The following RBX1 variants were observed in gnomAD, a reference collection of about 807,000 sequenced individuals.
RBX1 encodes the protein ring-box 1.
For missense variants in RBX1, 46 were observed against 141.4 expected (o/e 0.33, Z 3.42); for synonymous variants, 48 against 47.9 (o/e 1.00, Z -0.01).
chr22:40,970,901 T>A (rs2058367280), intron 4 of RBX1, among the ~76,000 whole-genome samples: 1 of 152,204 alleles, frequency 6.6e-6, no homozygotes, highest in Non-Finnish European at 1.5e-5. Context: ...ATACTCAGTA[T>A]CTGAGTGGTA....
At chr22:40,965,703 A>G (rs1329707988) in intron 3 of RBX1, among the ~76,000 whole-genome samples, 1 of 152,024 alleles carries the variant, frequency 6.6e-6, no homozygotes, top group Non-Finnish European at 1.5e-5. Context: ...CGGCCTCCCA[A>G]AGTGCTGGGA....
At chr22:40,962,418 GGTATTATCA>G (rs2058343349) in intron 2 of RBX1, among the ~76,000 whole-genome samples, 1 of 151,406 alleles carries the variant, frequency 6.6e-6, no homozygotes, top group Non-Finnish European at 1.5e-5. Flanking sequence ...AAAAGAAAAA[GGTATTATCA>G]TGGTATCTCT....
chr22:40,951,558 G>A (rs1336347208), intron 1 of RBX1, 82 bp downstream of exon 1: 1 of 1,353,470 alleles, frequency 7.4e-7, no homozygotes, highest in Non-Finnish European at 1.0e-6. Flanking sequence ...TCGAGGCGCG[G>A]AGTAAAGGGT....
chr22:40,956,913 T>G (rs2058327125), intron 2 of RBX1, among the ~76,000 whole-genome samples: 1 of 151,880 alleles, frequency 6.6e-6, no homozygotes, highest in Non-Finnish European at 1.5e-5. Context: ...CGGGCGCCTG[T>G]AGTCCCAGCT....
chr22:40,957,492 G>A (rs2058328835), intron 2 of RBX1, among the ~76,000 whole-genome samples: 1 of 151,958 alleles, frequency 6.6e-6, no homozygotes, highest in South Asian at 2.1e-4. Context: ...CAAAAAATTA[G>A]CCAGGCATGG....
At chr22:40,963,177 A>G (rs917703881) in intron 2 of RBX1, among the ~76,000 whole-genome samples, 1 of 152,056 alleles carries the variant, frequency 6.6e-6, no homozygotes, top group African/African-American at 2.4e-5. Flanking sequence ...AGTTTGAAGT[A>G]ATTCTCCCCT....
chr22:40,962,213 T>C (rs2058342638), intron 2 of RBX1, among the ~76,000 whole-genome samples: 1 of 152,096 alleles, frequency 6.6e-6, no homozygotes, highest in East Asian at 1.9e-4. Flanking sequence ...GCAATTCTCC[T>C]ACCTCAGCCT....
intron 4 of RBX1, among the ~76,000 whole-genome samples, chr22:40,971,422 C>G (rs2058368789): frequency 6.6e-6 from 1 of 152,132 alleles, no homozygotes; most frequent in Non-Finnish European, 1.5e-5. Context: ...GCCCTAGTTT[C>G]TATCCAAATA....
At chr22:40,972,050 C>T (rs1206224475) in intron 4 of RBX1, among the ~76,000 whole-genome samples, 1 of 152,194 alleles carries the variant, frequency 6.6e-6, no homozygotes, top group Non-Finnish European at 1.5e-5. Flanking sequence ...TTACCCTAAA[C>T]ATGCCTGAGT....
intron 4 of RBX1, among the ~76,000 whole-genome samples, chr22:40,970,379 T>C (rs2058365909): frequency 6.6e-6 from 1 of 152,104 alleles, no homozygotes; most frequent in African/African-American, 2.4e-5. Flanking sequence ...ATGTATATTT[T>C]TGTTTTTGAT....
intron 2 of RBX1, among the ~76,000 whole-genome samples, chr22:40,961,101 T>TG (rs2058338846): frequency 6.8e-6 from 1 of 147,678 alleles, no homozygotes; most frequent in Non-Finnish European, 1.5e-5. Flanking sequence ...TTTTTTTTTT[T>TG]TTTGATAACA....
At chr22:40,952,538 AGTTACT>A (rs1370759906) in intron 1 of RBX1, among the ~76,000 whole-genome samples, 1 of 152,218 alleles carries the variant, frequency 6.6e-6, no homozygotes, top group African/African-American at 2.4e-5. Flanking sequence ...GTGGTAAAGA[AGTTACT>A]AGGCACTGAG....
intron 2 of RBX1, among the ~76,000 whole-genome samples, chr22:40,963,309 G>T (rs2058345982): frequency 6.6e-6 from 1 of 152,056 alleles, no homozygotes; most frequent in African/African-American, 2.4e-5. Flanking sequence ...ATCCCCAGTT[G>T]TGCTTTACCC....
At chr22:40,966,888 GC>G (rs1981499410) in intron 3 of RBX1, 1 of 152,176 alleles carries the variant, frequency 6.6e-6, no homozygotes, top group South Asian at 2.1e-4. Context: ...ACGCACATGA[GC>G]AGGGGGAGAA....
chr22:40,957,012 G>T (rs561426138), intron 2 of RBX1, among the ~76,000 whole-genome samples: 1 of 148,774 alleles, frequency 6.7e-6, no homozygotes, highest in Non-Finnish European at 1.5e-5. Flanking sequence ...TCCAGCCTGG[G>T]TGACAGAGTG....
At chr22:40,960,661 A>G (rs2058337383) in intron 2 of RBX1, among the ~76,000 whole-genome samples, 1 of 152,190 alleles carries the variant, frequency 6.6e-6, no homozygotes, top group Non-Finnish European at 1.5e-5. Context: ...GATCCAGCTT[A>G]AAGGACATCA....
At chr22:40,963,903 T>C (rs557192920) in intron 2 of RBX1, 144 bp from the exon 3 acceptor site, 174 of 645,664 alleles carry the variant, frequency 2.7e-4, no homozygotes, top group African/African-American at 2.1e-3. Context: ...CATACTGTTA[T>C]CTCTGTCTTC....
intron 3 of RBX1, 171 bp downstream of exon 3, chr22:40,964,288 G>A: frequency 5.9e-6 from 3 of 510,214 alleles, no homozygotes; most frequent in Admixed American, 3.5e-5. Context: ...CCTGTTACAG[G>A]GTAAAAATTA....
At chr22:40,959,165 T>G (rs1270797617) in intron 2 of RBX1, among the ~76,000 whole-genome samples, 2 of 152,202 alleles carry the variant, frequency 1.3e-5, no homozygotes, top group African/African-American at 4.8e-5. Flanking sequence ...ATGAAGCCAT[T>G]GCTTCCTTAA....
Sources: allele counts gnomAD v4.1 joint callset (sites outside exome capture counted in the v4.1 genomes callset), GRCh38; gene constraint gnomAD v4.1.1; transcripts MANE v1.5; gene names NCBI Gene and HGNC (gene_info 2026-07-23, HGNC 2026-07-21).